NDFIP1: variants seen among roughly 807,000 people sequenced by gnomAD.
NDFIP1 encodes the protein Nedd4 family interacting protein 1, also known as NEDD4 family-interacting protein 1.
In NDFIP1, 7 loss-of-function variants were observed where a neutral mutation model predicts 28.8. The ratio of observed to expected loss-of-function variants is 0.24; its 90% CI spans 0.14 to 0.46. The LOEUF is 0.46. NDFIP1 is among the 20% of genes least tolerant of loss of function. The pLI is 0.99. For synonymous variants in NDFIP1, 92 were observed against 101.0 expected (o/e 0.91, Z 0.53); for missense variants, 194 against 269.1 (o/e 0.72, Z 1.95).
At chr5:142,109,480 G>A (rs1036344631) in intron 1 of NDFIP1, among the ~76,000 whole-genome samples, 3 of 152,350 alleles carry the variant, frequency 2.0e-5, no homozygotes, top group Non-Finnish European at 2.9e-5. Context: ...CCCACAGCAA[G>A]ATGCTATTGC....
In NDFIP1 at chr5:142,123,055, C is replaced by T. The variant is rs529804816; in HGVS notation, c.64-8753C>T. ...TCGGCTCACTGCAACCTCTACCTCC[C>T]AGGTTGCAGTGATTCTCGTGCCTCA... On this transcript the variant is annotated intron_variant, in intron 1 of 7. Transcript: ENST00000253814. Among the ~76,000 whole-genome samples the T allele has an allele frequency of 2.6e-5, 4 of 152,140 alleles. No homozygotes were observed. In the East Asian group the frequency reaches 7.7e-4, roughly 29 times the overall value.
chr5:142,110,885 C>T (rs988269829), intron 1 of NDFIP1, among the ~76,000 whole-genome samples: 2 of 151,382 alleles, frequency 1.3e-5, no homozygotes, highest in East Asian at 3.9e-4. Context: ...CATACCAAAC[C>T]CTTATGAACC....
At chr5:142,111,613 T>C (rs186775013) in intron 1 of NDFIP1, among the ~76,000 whole-genome samples, 1 of 152,362 alleles carries the variant, frequency 6.6e-6, no homozygotes, top group East Asian at 1.9e-4. Context: ...TTCTATTTGA[T>C]CTGGTTAATC....
intron 1 of NDFIP1, among the ~76,000 whole-genome samples, chr5:142,127,158 G>A (rs1757178212): frequency 6.6e-6 from 1 of 152,092 alleles, no homozygotes; most frequent in South Asian, 2.1e-4. Context: ...TGGGACTACA[G>A]GTGCATGCCA....
chr5:142,137,070 CAAAAA>C (rs56227585), intron 4 of NDFIP1, among the ~76,000 whole-genome samples: 5 of 95,004 alleles, frequency 5.3e-5, no homozygotes, highest in African/African-American at 8.1e-5. Flanking sequence ...GACTCAGTCT[CAAAAA>C]AAAAAAAAAA....
chr5:142,144,502 G>C, intron 6 of NDFIP1, 69 bp from the exon 7 acceptor site: 2 of 1,103,126 alleles, frequency 1.8e-6, no homozygotes, highest in East Asian at 2.4e-5. Context: ...TATCAGGAGA[G>C]GGATTTCTGG....
chr5:142,153,726 A>T lies in NDFIP1; in HGVS notation c.*1998A>T, dbSNP rs370383003. 14 of 220,662 alleles carry T rather than the reference A, an allele frequency of 6.3e-5. No homozygotes were observed. In the South Asian group the frequency reaches 8.7e-4, roughly 14 times the overall value. 13.7% of individuals were successfully genotyped at this position (220,662 alleles called of 1,614,324 possible). A position where few individuals can be genotyped will look rare whatever the true frequency, so the allele number is the denominator to read the frequency against. On this transcript the variant is annotated 3_prime_UTR_variant, in exon 8 of 8. Transcript: ENST00000253814. ...TCTGTAACAATCTGAATAGATGTGG[A>T]CACATATAGCAGAGAGAACTATGTA...
At chr5:142,123,302 G>T (rs1757139372) in intron 1 of NDFIP1, among the ~76,000 whole-genome samples, 1 of 151,958 alleles carries the variant, frequency 6.6e-6, no homozygotes, top group South Asian at 2.1e-4. Flanking sequence ...AAATCTAAAA[G>T]AATTATTTTT....
intron 1 of NDFIP1, among the ~76,000 whole-genome samples, chr5:142,131,167 C>T (rs1757223528): frequency 6.6e-6 from 1 of 152,036 alleles, no homozygotes; most frequent in African/African-American, 2.4e-5. Flanking sequence ...CCATGTTGCC[C>T]AGGCTAGTCT....
At chr5:142,145,266 C>G (rs956687385) in intron 7 of NDFIP1, among the ~76,000 whole-genome samples, 1 of 152,186 alleles carries the variant, frequency 6.6e-6, no homozygotes, top group Non-Finnish European at 1.5e-5. Flanking sequence ...GACCTTTTCC[C>G]TTGCCTAGAA....
chr5:142,130,098 C>T (rs1479758211), intron 1 of NDFIP1, among the ~76,000 whole-genome samples: 12 of 151,948 alleles, frequency 7.9e-5, no homozygotes, highest in Non-Finnish European at 1.8e-4. Context: ...CTGATGATAC[C>T]GAAGCCAGGA....
At chr5:142,150,904 C>G (rs1341024011) in intron 7 of NDFIP1, among the ~76,000 whole-genome samples, 7 of 152,084 alleles carry the variant, frequency 4.6e-5, no homozygotes, top group African/African-American at 1.7e-4. Flanking sequence ...GTAAATGTAT[C>G]TCTTTAGTGT....
At chr5:142,142,938 AAAAT>A (rs1265874716) in intron 6 of NDFIP1, 17 of 81,340 alleles carry the variant, frequency 2.1e-4, no homozygotes, top group East Asian at 1.5e-3. Flanking sequence ...AAAAAAAAAA[AAAAT>A]ATATATATAT....
At chr5:142,135,639 A>C in intron 3 of NDFIP1, 91 bp from the exon 4 acceptor site, 1 of 1,106,704 alleles carries the variant, frequency 9.0e-7, no homozygotes, top group Non-Finnish European at 1.4e-6. Flanking sequence ...AACCAAAGCA[A>C]TAACTTTTTT....
chr5:142,123,989 G>A (rs559265403), intron 1 of NDFIP1, among the ~76,000 whole-genome samples: 27 of 152,270 alleles, frequency 1.8e-4, no homozygotes, highest in African/African-American at 6.5e-4. Context: ...TGAGCAGCTA[G>A]ACTTGCTATT....
chr5:142,147,254 G>A lies in NDFIP1; in HGVS notation c.*2+2578G>A, dbSNP rs551415802. 2.1e-3 allele frequency among the ~76,000 whole-genome samples: 314 copies of A among 152,260 alleles called. 2 individuals carry two copies. Among genetic ancestry groups the A allele is most frequent in the African/African-American group, 7.2e-3 (301 of 41,546 alleles). Reference sequence around the variant, plus strand: ...TTCCAGGGATCCCCAGAGGGAACCTGAAAAGCCATAATATCCTATGGGACT... The same window carrying A: ...TTCCAGGGATCCCCAGAGGGAACCTAAAAAGCCATAATATCCTATGGGACT... On this transcript the variant is annotated intron_variant, in intron 7 of 7. Coordinates refer to ENST00000253814, the MANE Select transcript of NDFIP1 (RefSeq NM_030571.4).
chr5:142,153,694 GA>G lies in NDFIP1; in HGVS notation c.*1970del, dbSNP rs1466785588. The G allele has an allele frequency of 3.9e-6, 1 of 259,556 alleles. No homozygotes were observed. Among genetic ancestry groups the G allele is most frequent in the Non-Finnish European group, 7.7e-6 (1 of 130,100 alleles). The allele number at this position is 259,556 out of a possible 1,614,324, so 16.1% of individuals were successfully genotyped here. On this transcript the variant is annotated 3_prime_UTR_variant, in exon 8 of 8. Coordinates refer to ENST00000253814, the MANE Select transcript of NDFIP1 (RefSeq NM_030571.4). ...CCTATAATGTTCTAAGTTCCAGAAT[GA>G]AAAGATCTGTAACAATCTGAATAGA... is the stretch of plus-strand genomic sequence containing the variant.
intron 6 of NDFIP1, among the ~76,000 whole-genome samples, chr5:142,142,632 A>AAAAATAAGAG (rs1388191768): frequency 1.3e-5 from 2 of 152,138 alleles, no homozygotes; most frequent in Non-Finnish European, 2.9e-5. Context: ...CTTGTAAGCA[A>AAAAATAAGAG]AAAATAAGAG....
At chr5:142,137,264 G>C (rs1054373869) in intron 4 of NDFIP1, among the ~76,000 whole-genome samples, 1 of 152,104 alleles carries the variant, frequency 6.6e-6, no homozygotes, top group Non-Finnish European at 1.5e-5. Context: ...GGGCTCAAGT[G>C]ATCCCCCCAC....
Sources: gnomAD v4.1 joint callset for allele counts (sites outside exome capture counted in the v4.1 genomes callset) on GRCh38, gnomAD v4.1.1 for gene constraint, MANE v1.5 for transcripts, NCBI Gene and HGNC (gene_info 2026-07-23, HGNC 2026-07-21) for gene names.